Variants in GRIN3A observed in about 807,000 individuals in gnomAD.
GRIN3A encodes the protein glutamate receptor ionotropic, NMDA 3A.
In GRIN3A, 47 loss-of-function variants were observed where a neutral mutation model predicts 92.4. The ratio of observed to expected loss-of-function variants is 0.51; its 90% CI spans 0.40 to 0.65. The LOEUF (loss-of-function observed/expected upper bound fraction) is 0.65. GRIN3A is among the 30% of genes least tolerant of loss of function. The pLI, the probability that GRIN3A is intolerant of heterozygous loss-of-function variation, is 0.00. For missense variants in GRIN3A, 1,324 were observed against 1,393.1 expected (o/e 0.95, Z 0.79); for synonymous variants, 527 against 540.6 (o/e 0.97, Z 0.35).
intron 1 of GRIN3A, among the ~76,000 whole-genome samples, chr9:101,698,744 C>T (rs979962892): frequency 6.6e-6 from 1 of 152,126 alleles, no homozygotes. Context: ...CTTTGTCTCA[C>T]TATAACCTCC....
At chr9:101,628,202 A>T (rs1828660530) in intron 4 of GRIN3A, 54 bp downstream of exon 4, 2 of 1,586,476 alleles carry the variant, frequency 1.3e-6, no homozygotes, top group Admixed American at 1.7e-5. Flanking sequence ...TCAGTAGCTA[A>T]ATTACTTCTC....
rs765823159 is a variant in GRIN3A, at chr9:101,686,755, T to C, written c.1145A>G (p.Gln382Arg). 6.2e-7 allele frequency: 1 copy of C among 1,614,160 alleles called. No homozygotes were observed. Among genetic ancestry groups the C allele is most frequent in the South Asian group, 1.1e-5 (1 of 91,088 alleles). Residue 382 changes from glutamine (Q) to arginine (R), a missense_variant, in exon 2 of 9, where the codon CAG becomes CGG. Coordinates refer to ENST00000361820, the MANE Select transcript of GRIN3A (RefSeq NM_133445.3). Reference protein sequence around the residue: ...LGLIAHGKTTQSVFEHYVQDA... With the variant: ...LGLIAHGKTTRSVFEHYVQDA... ...TTGTACGTAGTGCTCAAAGACAGAC[T>C]GTGTTGTTTTTCCATGAGCAATGAG...
intron 3 of GRIN3A, among the ~76,000 whole-genome samples, chr9:101,655,671 G>C (rs1202331660): frequency 1.3e-5 from 2 of 151,898 alleles, no homozygotes; most frequent in Non-Finnish European, 2.9e-5. Flanking sequence ...ACTCCTCTGA[G>C]CCTCAGTCTC....
Position 101,737,518 on chromosome 9 carries a change from G to T in GRIN3A, c.462C>A (p.Ile154=). 1 of 1,614,236 alleles carries T rather than the reference G, an allele frequency of 6.2e-7. No individual in the cohort carries two copies. Among genetic ancestry groups the T allele is most frequent in the Non-Finnish European group, 8.5e-7 (1 of 1,180,032 alleles). The change falls in exon 1 of 9, where the codon ATC becomes ATA. Residue 154 remains isoleucine (I), a synonymous_variant. Coordinates refer to ENST00000361820, the MANE Select transcript of GRIN3A (RefSeq NM_133445.3). ...GTGGCAGATCGCCCAGGCCTGCCTC[G>T]ATGGCCATCACTACTTCCAAAGACA... The part of the protein sequence containing the change: ...YNLSLEVVMA[I]EAGLGDLPLL...
chr9:101,645,382 ACTCATTTGTT>A (rs1377443567), intron 3 of GRIN3A, among the ~76,000 whole-genome samples: 1 of 151,576 alleles, frequency 6.6e-6, no homozygotes, highest in African/African-American at 2.4e-5. Flanking sequence ...TTCTTTATCC[ACTCATTTGTT>A]GATAGACACT....
intron 3 of GRIN3A, among the ~76,000 whole-genome samples, chr9:101,660,283 A>G (rs1829156400): frequency 6.6e-6 from 1 of 151,868 alleles, no homozygotes; most frequent in East Asian, 1.9e-4. Context: ...AGCAAATTAT[A>G]TACAATGATC....
intron 6 of GRIN3A, among the ~76,000 whole-genome samples, chr9:101,601,908 G>T (rs1444102431): frequency 1.3e-5 from 2 of 152,100 alleles, no homozygotes; most frequent in African/African-American, 4.8e-5. Flanking sequence ...ACATTCTGAG[G>T]TATTGAGAAT....
intron 1 of GRIN3A, among the ~76,000 whole-genome samples, chr9:101,730,262 G>A (rs1588301076): frequency 1.3e-5 from 2 of 152,088 alleles, no homozygotes; most frequent in Non-Finnish European, 2.9e-5. Flanking sequence ...TTTTCTCAGG[G>A]TTATTTTGCT....
At chr9:101,589,979 A>G (rs571914971) in intron 6 of GRIN3A, among the ~76,000 whole-genome samples, 93 of 152,318 alleles carry the variant, frequency 6.1e-4, no homozygotes, top group African/African-American at 2.1e-3. Context: ...AGTGACCTGC[A>G]TTTCTTTGTA....
In GRIN3A at chr9:101,577,781, G is replaced by A. The variant is rs753256566; in HGVS notation, c.2995C>T (p.Arg999Cys). 13 of 1,611,836 alleles carry A rather than the reference G, an allele frequency of 8.1e-6. 1 individual carries two copies. Among genetic ancestry groups the A allele is most frequent in the African/African-American group, 8.0e-5 (6 of 74,928 alleles). The change falls in exon 8 of 9, where the codon CGT becomes TGT. Residue 999 changes from arginine to cysteine, a missense_variant. By Grantham distance (180) the Arg-to-Cys change is radical. Transcript: ENST00000361820. ...EEKQQHFKTK[R>C]VEKRSNVGPR... ...GCCCCTTCTTACCTCTTTTCCACAC[G>A]TTTGGTCTTGAAATGCTGCTGCTTT...
chr9:101,654,432 A>G (rs144860231), intron 3 of GRIN3A, among the ~76,000 whole-genome samples: 1 of 151,770 alleles, frequency 6.6e-6, no homozygotes, highest in African/African-American at 2.4e-5. Flanking sequence ...ACATATGCAT[A>G]TCATATATAT....
At chr9:101,697,502 A>G (rs999324413) in intron 1 of GRIN3A, among the ~76,000 whole-genome samples, 1 of 152,194 alleles carries the variant, frequency 6.6e-6, no homozygotes, top group Non-Finnish European at 1.5e-5. Context: ...CTACGTGAGC[A>G]TTGTTACGGA....
chr9:101,669,353 C>T (rs1360668397), intron 3 of GRIN3A, among the ~76,000 whole-genome samples: 1 of 152,118 alleles, frequency 6.6e-6, no homozygotes, highest in Non-Finnish European at 1.5e-5. Flanking sequence ...CTGCACTCTA[C>T]ACTTCCTCTT....
intron 3 of GRIN3A, among the ~76,000 whole-genome samples, chr9:101,651,468 A>G (rs988243188): frequency 6.6e-6 from 1 of 151,998 alleles, no homozygotes; most frequent in African/African-American, 2.4e-5. Flanking sequence ...ACTCTGGTGA[A>G]CACATTGCTT....
intron 4 of GRIN3A, among the ~76,000 whole-genome samples, chr9:101,625,956 C>T (rs1828629300): frequency 6.6e-6 from 1 of 152,168 alleles, no homozygotes; most frequent in African/African-American, 2.4e-5. Context: ...GGGATCCTTC[C>T]TTAAATAACT....
chr9:101,674,527 A>T (rs1588277360), intron 2 of GRIN3A, among the ~76,000 whole-genome samples: 1 of 152,250 alleles, frequency 6.6e-6, no homozygotes, highest in East Asian at 1.9e-4. Context: ...TGCAAACTTT[A>T]CTAAGAATGT....
intron 5 of GRIN3A, among the ~76,000 whole-genome samples, chr9:101,615,419 C>G (rs1359129389): frequency 4.5e-5 from 6 of 134,284 alleles, no homozygotes; most frequent in Admixed American, 3.2e-4. Context: ...GACAGAGTCT[C>G]GATCTCGGCT....
intron 1 of GRIN3A, among the ~76,000 whole-genome samples, chr9:101,720,057 G>A (rs1829992948): frequency 6.6e-6 from 1 of 152,054 alleles, no homozygotes; most frequent in South Asian, 2.1e-4. Flanking sequence ...TGGGAATTAT[G>A]AAACCCTGCT....
chr9:101,697,483 C>T (rs1471920171), intron 1 of GRIN3A, among the ~76,000 whole-genome samples: 2 of 152,178 alleles, frequency 1.3e-5, no homozygotes, highest in Non-Finnish European at 2.9e-5. Flanking sequence ...CTGTGTCTTT[C>T]AGGAAGGTCT....
Sources: gnomAD v4.1 joint callset for allele counts (sites outside exome capture counted in the v4.1 genomes callset) on GRCh38, gnomAD v4.1.1 for gene constraint, MANE v1.5 for transcripts, NCBI Gene and HGNC (gene_info 2026-07-23, HGNC 2026-07-21) for gene names.